MEF2C: variants seen among roughly 807,000 people sequenced by gnomAD.
MEF2C encodes myocyte enhancer factor 2C, also known as myocyte-specific enhancer factor 2C.
In MEF2C, 6 loss-of-function variants were observed where a neutral mutation model predicts 50.5. The ratio of observed to expected loss-of-function variants is 0.12; its 90% CI spans 0.07 to 0.23. The LOEUF is 0.23. Ranked by LOEUF, MEF2C falls within the 10% of genes least tolerant of loss-of-function variation. The probability of loss-of-function intolerance (pLI) is 1.00; values close to 1 mark genes in which losing one functional copy is unlikely to be tolerated. For missense variants in MEF2C, 276 were observed against 605.0 expected, an observed-to-expected ratio of 0.46 and a Z score of 5.70; for synonymous variants, 183 against 228.0, an observed-to-expected ratio of 0.80 and a Z score of 1.78.
intron 3 of MEF2C, among the ~76,000 whole-genome samples, chr5:88,791,974 G>A (rs897742295): frequency 2.0e-5 from 3 of 151,894 alleles, no homozygotes; most frequent in Admixed American, 6.6e-5. Flanking sequence ...GCAATTATAT[G>A]CTTGGCTTAA....
chr5:88,793,207 C>G (rs182916269), intron 3 of MEF2C, among the ~76,000 whole-genome samples: 1 of 152,146 alleles, frequency 6.6e-6, no homozygotes, highest in African/African-American at 2.4e-5. Flanking sequence ...GTAATTGGGA[C>G]CTGACTTGAG....
At chr5:88,886,946 G>A (rs2150179989), upstream of MEF2C, among the ~76,000 whole-genome samples, 1 of 152,186 alleles carries the variant, frequency 6.6e-6, no homozygotes, top group East Asian at 1.9e-4. Context: ...AAAGCCCTGT[G>A]CACTGGGTCT....
At chr5:88,792,121 T>G (rs1794058147) in intron 3 of MEF2C, among the ~76,000 whole-genome samples, 2 of 152,122 alleles carry the variant, frequency 1.3e-5, no homozygotes. Context: ...AAAAATACTT[T>G]TCTGGAGAAA....
intron 5 of MEF2C, 139 bp downstream of exon 5, chr5:88,751,718 T>C: frequency 1.8e-6 from 2 of 1,094,712 alleles, no homozygotes; most frequent in Non-Finnish European, 2.6e-6. Flanking sequence ...GCAGGAGACC[T>C]AGCTCGGGGG....
rs1169605093 is a variant in MEF2C at position 88,797,454 on chromosome 5, C to CTTTTTTTTTTTTTTTTTT, written c.258+7143_258+7144insAAAAAAAAAAAAAAAAAA. On this transcript the variant is annotated intron_variant, in intron 3 of 10. Transcript: ENST00000504921. ...TCACAGACTAGGATTGCAACCCTTG[C>CTTTTTTTTTTTTTTTTTT]CTTTTTTTTTTTTTTTTTTTTTTTT... 5.2e-4 allele frequency among the ~76,000 whole-genome samples: 13 copies of CTTTTTTTTTTTTTTTTTT among 25,242 alleles called. 5 individuals carry two copies. Among genetic ancestry groups the CTTTTTTTTTTTTTTTTTT allele is most frequent in the Admixed American group, 7.6e-4 (2 of 2,646 alleles). The allele number at this position is 25,242 out of a possible 152,430, so 16.6% of individuals were successfully genotyped here. A position where few individuals can be genotyped will look rare whatever the true frequency, so the allele number is the denominator to read the frequency against.
Position 88,722,471 on chromosome 5 carries a change from C to G in MEF2C, c.*133G>C. On this transcript the variant is annotated 3_prime_UTR_variant, in exon 11 of 11. Coordinates refer to ENST00000504921, the MANE Select transcript of MEF2C (RefSeq NM_002397.5). ...CTGAGGCAATTTAAAAGTACTTTTACAAAACAGAGTACCTGACTTTTTTTT... is the reference window on the plus strand; with the variant it reads ...CTGAGGCAATTTAAAAGTACTTTTAGAAAACAGAGTACCTGACTTTTTTTT... The G allele has an allele frequency of 1.3e-6, 1 of 767,510 alleles. No homozygotes were observed. The highest frequency in any genetic ancestry group is 2.1e-6 in the Non-Finnish European group (1 of 476,164). 47.5% of individuals were successfully genotyped at this position (767,510 alleles called of 1,614,324 possible). A position where few individuals can be genotyped will look rare whatever the true frequency, so the allele number is the denominator to read the frequency against.
At chr5:88,884,996 A>C (rs967605126), upstream of MEF2C, among the ~76,000 whole-genome samples, 1 of 152,214 alleles carries the variant, frequency 6.6e-6, no homozygotes, top group Non-Finnish European at 1.5e-5. Flanking sequence ...ACTATTTTTT[A>C]AAAAATATTG....
chr5:88,883,693 C>G (rs1561482788), upstream of MEF2C: 1 of 152,106 alleles, frequency 6.6e-6, no homozygotes, highest in Non-Finnish European at 1.5e-5. Flanking sequence ...TCTCTCTCCC[C>G]CACAATCCCA....
intron 3 of MEF2C, chr5:88,780,873 C>T (rs1787661684): frequency 1.0e-6 from 1 of 985,296 alleles, no homozygotes; most frequent in African/African-American, 1.7e-5. Context: ...CTCGTTCTTT[C>T]ACTTTCTCTC....
At chr5:88,821,116 A>G (rs945935883) in intron 2 of MEF2C, among the ~76,000 whole-genome samples, 4 of 152,010 alleles carry the variant, frequency 2.6e-5, no homozygotes, top group Non-Finnish European at 5.9e-5. Context: ...AAGTCAAACT[A>G]AGCTGAATTT....
In MEF2C at chr5:88,722,666, G is replaced by A; in HGVS notation, c.1360C>T (p.Pro454Ser). The stretch of plus-strand genomic sequence containing the variant: ...ACTGAGGGACTTTCCCTTTCGTCCG[G>A]CGAAGGTCTGGTGAGTCCAATGGGG... The part of the protein sequence containing the change: ...HSPIGLTRPS[P>S]DERESPSVKR... The change falls in exon 11 of 11, where the codon CCG becomes TCG. Residue 454 changes from proline (P) to serine (S), a missense_variant. Transcript: ENST00000504921. The A allele has an allele frequency of 6.2e-7, 1 of 1,613,868 alleles. No homozygotes were observed. Among genetic ancestry groups the A allele is most frequent in the Non-Finnish European group, 8.5e-7 (1 of 1,179,886 alleles).
chr5:88,773,850 C>T (rs1783553440), intron 3 of MEF2C, among the ~76,000 whole-genome samples: 1 of 152,208 alleles, frequency 6.6e-6, no homozygotes, highest in African/African-American at 2.4e-5. Flanking sequence ...ATTACTTCTC[C>T]CTTTCCATGT....
rs1755618701 is a variant in MEF2C, at chr5:88,719,657, TA to T, written c.*2946del. The T allele has an allele frequency of 6.6e-6, 1 of 152,158 alleles. No individual in the cohort carries two copies. The highest frequency in any genetic ancestry group is 1.5e-5 in the Non-Finnish European group (1 of 67,988). The allele number at this position is 152,158 out of a possible 1,614,324, so 9.4% of individuals were successfully genotyped here. ...AACCATACTAGCTTTGCAAATACAA[TA>T]AATGGTAAATTACAGATAAGGTATA... is the stretch of plus-strand genomic sequence containing the variant. On this transcript the variant is annotated 3_prime_UTR_variant, in exon 11 of 11. Transcript: ENST00000504921.
chr5:88,786,666 A>G (rs1791052705), intron 3 of MEF2C, among the ~76,000 whole-genome samples: 1 of 152,192 alleles, frequency 6.6e-6, no homozygotes, highest in African/African-American at 2.4e-5. Context: ...AACAAAAAAT[A>G]AAGGCTGCTA....
intron 1 of MEF2C, among the ~76,000 whole-genome samples, chr5:88,900,322 A>T (rs747451524): frequency 4.6e-5 from 7 of 151,970 alleles, no homozygotes; most frequent in Non-Finnish European, 1.0e-4. Context: ...TAAGTCAGTT[A>T]TATGAACTAT....
At chr5:88,877,575 G>A (rs1312668782) in intron 1 of MEF2C, among the ~76,000 whole-genome samples, 1 of 151,702 alleles carries the variant, frequency 6.6e-6, no homozygotes, top group Non-Finnish European at 1.5e-5. Context: ...TTCTTTCACA[G>A]ACAAAAATAA....
At chr5:88,818,968 T>C (rs950003061) in intron 2 of MEF2C, among the ~76,000 whole-genome samples, 11 of 152,008 alleles carry the variant, frequency 7.2e-5, no homozygotes, top group Non-Finnish European at 1.6e-4. Context: ...TATTATTTGG[T>C]GGGTGCTTTA....
At chr5:88,894,825 T>C (rs1834949086) in intron 1 of MEF2C, among the ~76,000 whole-genome samples, 1 of 152,212 alleles carries the variant, frequency 6.6e-6, no homozygotes, top group Admixed American at 6.5e-5. Context: ...TTATAGATCA[T>C]GTATAAACAG....
At chr5:88,798,201 G>C (rs1487930962) in intron 3 of MEF2C, among the ~76,000 whole-genome samples, 1 of 152,124 alleles carries the variant, frequency 6.6e-6, no homozygotes, top group East Asian at 1.9e-4. Flanking sequence ...GCTAGGTTGG[G>C]GAAGTTCTCC....
Sources: gnomAD v4.1 joint callset for allele counts (sites outside exome capture counted in the v4.1 genomes callset) on GRCh38, gnomAD v4.1.1 for gene constraint, MANE v1.5 for transcripts, NCBI Gene and HGNC (gene_info 2026-07-23, HGNC 2026-07-21) for gene names.